The following PHKG1 variants were observed in gnomAD, a reference collection of about 807,000 sequenced individuals.
PHKG1 encodes the protein phosphorylase b kinase gamma catalytic chain, skeletal muscle/heart isoform.
Under a neutral mutation model 50.5 loss-of-function variants are expected in PHKG1, and 48 were observed. The observed-to-expected ratio is 0.95, with a 90% CI of 0.75 to 1.21. The LOEUF (loss-of-function observed/expected upper bound fraction) is 1.21. Among genes scored for constraint, PHKG1 ranks in the 50% most tolerant of loss-of-function variants. The probability of loss-of-function intolerance (pLI) is 0.00; values close to 1 mark genes in which losing one functional copy is unlikely to be tolerated. For synonymous variants in PHKG1, 204 were observed against 212.8 expected (o/e 0.96, Z 0.36); for missense variants, 487 against 519.5 (o/e 0.94, Z 0.61).
At chr7:56,086,026 C>T (rs1179019072) in intron 4 of PHKG1, among the ~76,000 whole-genome samples, 1 of 151,214 alleles carries the variant, frequency 6.6e-6, no homozygotes, top group African/African-American at 2.4e-5. Flanking sequence ...AGTCTTGACC[C>T]TCCAAACTCC....
rs375748758 is a variant in PHKG1, at chr7:56,083,344, T to C, written c.481A>G (p.Asn161Asp). ...LKPENILLDD[N>D]MNIKLTDFGF... is the part of the protein sequence containing the mutation. ...AAGTCTGTGAGCTTGATGTTCATGT[T>C]GTCATCCAAGAGAATGTTCTCGGGC... Residue 161 changes from asparagine to aspartate, a missense_variant, in exon 6 of 10, where the codon AAC becomes GAC. By Grantham distance (23) the Asn-to-Asp change is conservative. Coordinates refer to ENST00000297373, the MANE Select transcript of PHKG1 (RefSeq NM_006213.5). 23 of 1,614,060 alleles carry C rather than the reference T, an allele frequency of 1.4e-5. No homozygotes were observed. In the African/African-American group the frequency reaches 2.4e-4, roughly 17 times the overall value.
Position 56,088,837 on chromosome 7 carries a change from G to C in PHKG1, c.83+22C>G, listed in dbSNP as rs373326422. 4.4e-6 allele frequency: 7 copies of C among 1,576,052 alleles called. No homozygotes were observed. The African/African-American group carries it at 5.4e-5, about 12-fold the overall frequency. ...CTGCTGGAGCCTAGGACAGCACTTC[G>C]TGGGGAAAGCTTGGGCTTTACCTGC... is the stretch of plus-strand genomic sequence containing the variant. On this transcript the variant is annotated intron_variant, in intron 2 of 9. Coordinates refer to ENST00000297373, the MANE Select transcript of PHKG1 (RefSeq NM_006213.5).
rs146121774 is a variant in PHKG1, at chr7:56,087,678, G to A, written c.182C>T (p.Pro61Leu). The A allele has an allele frequency of 8.0e-5, 129 of 1,613,906 alleles. 1 individual carries two copies. Among genetic ancestry groups the A allele is most frequent in the East Asian group, 4.0e-4 (18 of 44,848 alleles). The change falls in exon 3 of 10, where the codon CCG becomes CTG. Residue 61 changes from proline (P) to leucine (L), a missense_variant. By Grantham distance (98) the Pro-to-Leu change is moderately conservative. Coordinates refer to ENST00000297373, the MANE Select transcript of PHKG1 (RefSeq NM_006213.5). ...IDVTGGGSFS[P>L]EEVRELREAT... The stretch of plus-strand genomic sequence containing the variant: ...TTCTCGCAGCTCCCGCACCTCCTCC[G>A]GGCTGAAGCTGCCTCCACCGGTGAC...
At chr7:56,086,926 G>A (rs564961499) in intron 4 of PHKG1, 44 bp downstream of exon 4, 28 of 1,501,996 alleles carry the variant, frequency 1.9e-5, no homozygotes, top group African/African-American at 6.9e-5. Context: ...GACAGCAGTC[G>A]GAGGTTCTCT....
At chr7:56,091,031 G>A (rs916485810) in intron 1 of PHKG1, among the ~76,000 whole-genome samples, 2 of 152,212 alleles carry the variant, frequency 1.3e-5, no homozygotes, top group Non-Finnish European at 2.9e-5. Context: ...GGGCTACATG[G>A]CGAGACCCCA....
intron 1 of PHKG1, among the ~76,000 whole-genome samples, chr7:56,091,970 T>C (rs763233286): frequency 6.6e-6 from 1 of 152,242 alleles, no homozygotes; most frequent in Non-Finnish European, 1.5e-5. Flanking sequence ...TGGGCACCTT[T>C]GCCTCATCAC....
intron 1 of PHKG1, among the ~76,000 whole-genome samples, chr7:56,091,648 C>T (rs1796497445): frequency 6.6e-6 from 1 of 152,242 alleles, no homozygotes; most frequent in African/African-American, 2.4e-5. Context: ...CTCCAACCCC[C>T]TTTCCCCCAC....
At chr7:56,091,955 C>T (rs1262055042) in intron 1 of PHKG1, among the ~76,000 whole-genome samples, 1 of 152,262 alleles carries the variant, frequency 6.6e-6, no homozygotes, top group East Asian at 1.9e-4. Context: ...CCTAAGTCCT[C>T]ACAATGGGCA....
At chr7:56,082,113 C>T (rs1796031222) in intron 7 of PHKG1, 50 bp downstream of exon 7, 2 of 1,611,192 alleles carry the variant, frequency 1.2e-6, no homozygotes, top group East Asian at 2.2e-5. Flanking sequence ...CTGCCTACTT[C>T]CTCCCTTGCC....
intron 5 of PHKG1, 101 bp downstream of exon 5, chr7:56,083,549 C>T (rs73126333): frequency 0.042 from 63,710 of 1,508,922 alleles, 1,858 homozygotes; most frequent in Admixed American, 0.12. Flanking sequence ...GCACACACGC[C>T]CAGCCCAGAC....
rs1795942787 is a variant in PHKG1 at position 56,080,956 on chromosome 7, C to T, written c.*98G>A. ...GGTTCCTGGCCAGGGCCAAGTGCTC[C>T]TTCTGCAGAGGCCTGCACGCATCTC... On this transcript the variant is annotated 3_prime_UTR_variant, in exon 10 of 10. Transcript: ENST00000297373. 7.0e-7 allele frequency: 1 copy of T among 1,419,948 alleles called. No homozygotes were observed. The highest frequency in any genetic ancestry group is 2.4e-5 in the East Asian group (1 of 42,054). 88.0% of individuals were successfully genotyped at this position (1,419,948 alleles called of 1,614,324 possible).
intron 1 of PHKG1, 96 bp from the exon 2 acceptor site, chr7:56,089,071 T>G: frequency 1.5e-6 from 1 of 649,792 alleles, no homozygotes; most frequent in Non-Finnish European, 2.8e-6. Flanking sequence ...TTACATCTCC[T>G]GGCACTACAC....
intron 3 of PHKG1, 30 bp downstream of exon 3, chr7:56,087,568 C>G (rs769571583): frequency 6.3e-7 from 1 of 1,598,696 alleles, no homozygotes; most frequent in Non-Finnish European, 8.6e-7. Context: ...AGGGGGGCAC[C>G]CTGCCGTGTG....
In PHKG1 at chr7:56,081,378, G is replaced by A. The variant is rs1394627925; in HGVS notation, c.919-79C>T. The A allele has an allele frequency of 1.5e-5, 22 of 1,503,606 alleles. No individual in the cohort carries two copies. The highest frequency in any genetic ancestry group is 2.0e-5 in the Non-Finnish European group (22 of 1,127,866). 93.1% of individuals were successfully genotyped at this position (1,503,606 alleles called of 1,614,324 possible). A position where few individuals can be genotyped will look rare whatever the true frequency, so the allele number is the denominator to read the frequency against. ...CCCCTCCAGCACAGGGACGCTCTGG[G>A]CTCGTTTGCCACGAAGCCTTGGGTG... On this transcript the variant is annotated intron_variant, in intron 9 of 9. Transcript: ENST00000297373. The surrounding 1 kb of genome is among the most constrained non-coding windows in gnomAD (Gnocchi z 4.6).
chr7:56,082,669 A>G (rs574344909), intron 6 of PHKG1, among the ~76,000 whole-genome samples: 1 of 152,182 alleles, frequency 6.6e-6, no homozygotes, highest in African/African-American at 2.4e-5. Flanking sequence ...GACTCCCCCA[A>G]CATCCACCAA....
Position 56,081,337 on chromosome 7 carries a change from G to A in PHKG1, c.919-38C>T, listed in dbSNP as rs1055801351. Reference sequence around the variant, plus strand: ...GCGGAGAAGCTGGGCTGCAGCCCCCGCCCTGCCAGGCCCTGCCCCTCCAGC... The same window carrying A: ...GCGGAGAAGCTGGGCTGCAGCCCCCACCCTGCCAGGCCCTGCCCCTCCAGC... On this transcript the variant is annotated intron_variant, in intron 9 of 9. Coordinates refer to ENST00000297373, the MANE Select transcript of PHKG1 (RefSeq NM_006213.5). The surrounding 1 kb of genome is among the most constrained non-coding windows in gnomAD (Gnocchi z 4.6). The A allele has an allele frequency of 1.0e-5, 16 of 1,558,630 alleles. No homozygotes were observed. The highest frequency in any genetic ancestry group is 2.4e-5 in the East Asian group (1 of 42,526).
chr7:56,091,085 G>A (rs964975453), intron 1 of PHKG1, among the ~76,000 whole-genome samples: 1 of 104,500 alleles, frequency 9.6e-6, no homozygotes, highest in Non-Finnish European at 2.4e-5. Context: ...GATGGCTCTC[G>A]GGCCTGTGGT....
intron 4 of PHKG1, among the ~76,000 whole-genome samples, chr7:56,086,187 TTA>T (rs1796241889): frequency 1.3e-5 from 2 of 151,726 alleles, no homozygotes; most frequent in African/African-American, 4.8e-5. Context: ...TTGTTCTACT[TTA>T]TATATGTCTA....
At chr7:56,088,365 A>G (rs1034868032) in intron 2 of PHKG1, among the ~76,000 whole-genome samples, 3 of 151,698 alleles carry the variant, frequency 2.0e-5, no homozygotes, top group African/African-American at 7.3e-5. Context: ...TAAAAAAAAA[A>G]ATAGAGATGG....
Sources: gnomAD v4.1 joint callset for allele counts (sites outside exome capture counted in the v4.1 genomes callset) on GRCh38, gnomAD v4.1.1 for gene constraint, Gnocchi (gnomAD v3.1) non-coding constraint, MANE v1.5 for transcripts, NCBI Gene and HGNC (gene_info 2026-07-23, HGNC 2026-07-21) for gene names.